SAMD8: variants seen among roughly 807,000 people sequenced by gnomAD.
SAMD8 encodes the protein sterile alpha motif domain containing 8, also known as sphingomyelin synthase-related protein 1.
A neutral mutation model predicts 42.0 loss-of-function variants in SAMD8; 20 were observed. The observed-to-expected ratio is 0.48, with a 90% CI of 0.34 to 0.69. SAMD8 has a LOEUF of 0.69. Ranked by LOEUF, SAMD8 falls within the 30% of genes least tolerant of loss-of-function variation. The probability of loss-of-function intolerance (pLI) is 0.01; values close to 1 mark genes in which losing one functional copy is unlikely to be tolerated. For missense variants in SAMD8, 328 were observed against 511.6 expected, an observed-to-expected ratio of 0.64 and a Z score of 3.46; for synonymous variants, 162 against 173.0, an observed-to-expected ratio of 0.94 and a Z score of 0.50.
chr10:75,175,232 G>A (rs982683823), intron 4 of SAMD8, among the ~76,000 whole-genome samples: 6 of 152,274 alleles, frequency 3.9e-5, no homozygotes, highest in East Asian at 1.9e-4. Flanking sequence ...ACTTAGTCAC[G>A]TGGCCACACC....
chr10:75,100,434 C>T (rs910161756), intron 1 of SAMD8, among the ~76,000 whole-genome samples: 85 of 152,258 alleles, frequency 5.6e-4, no homozygotes, highest in African/African-American at 1.7e-3. Flanking sequence ...CCCAGGGACT[C>T]GTCCTTTAAG....
At chr10:75,137,535 G>A (rs374367364) in intron 1 of SAMD8, among the ~76,000 whole-genome samples, 20 of 147,410 alleles carry the variant, frequency 1.4e-4, no homozygotes, top group Non-Finnish European at 2.1e-4. Flanking sequence ...GTGAGACTCC[G>A]TCTCAAAAAA....
intron 1 of SAMD8, among the ~76,000 whole-genome samples, chr10:75,130,616 A>G (rs1849253840): frequency 1.3e-5 from 2 of 152,184 alleles, no homozygotes; most frequent in Admixed American, 6.6e-5. Flanking sequence ...AGTGATGGAA[A>G]GAGTACTGAA....
chr10:75,099,651 T>C, exon 1 of SAMD8: 1 of 791,938 alleles, frequency 1.3e-6, no homozygotes. Context: ...CCAGGCCTCC[T>C]CTCTGCTTGG....
chr10:75,122,428 A>G (rs1201273220), intron 1 of SAMD8, among the ~76,000 whole-genome samples: 3 of 151,982 alleles, frequency 2.0e-5, no homozygotes, highest in African/African-American at 4.8e-5. Flanking sequence ...CTTGGCCAAC[A>G]TGGCAAAACC....
At chr10:75,139,405 G>A (rs1286343029) in intron 1 of SAMD8, among the ~76,000 whole-genome samples, 1 of 152,142 alleles carries the variant, frequency 6.6e-6, no homozygotes, top group East Asian at 1.9e-4. Context: ...CTAAAGCAAT[G>A]CAATGCCATT....
At chr10:75,121,286 G>T (rs1288755370) in intron 1 of SAMD8, among the ~76,000 whole-genome samples, 1 of 152,156 alleles carries the variant, frequency 6.6e-6, no homozygotes, top group Admixed American at 6.6e-5. Context: ...AACCTAGGCA[G>T]TTTAATTCTA....
intron 1 of SAMD8, among the ~76,000 whole-genome samples, chr10:75,118,024 T>A (rs1230692253): frequency 6.6e-6 from 1 of 152,336 alleles, no homozygotes. Context: ...GTTTAAAGGC[T>A]ATTTGGAACC....
intron 1 of SAMD8, among the ~76,000 whole-genome samples, chr10:75,138,655 G>A (rs936046603): frequency 6.6e-5 from 10 of 152,026 alleles, no homozygotes; most frequent in Non-Finnish European, 1.3e-4. Context: ...TTTGCTCTTA[G>A]GCTGCTGAAA....
intron 1 of SAMD8, among the ~76,000 whole-genome samples, chr10:75,129,671 A>G (rs775046672): frequency 2.6e-5 from 4 of 152,230 alleles, no homozygotes; most frequent in Non-Finnish European, 4.4e-5. Flanking sequence ...ATAGCCTTAG[A>G]TACATAACAA....
At chr10:75,114,746 C>T (rs1039827061) in intron 1 of SAMD8, among the ~76,000 whole-genome samples, 1 of 152,068 alleles carries the variant, frequency 6.6e-6, no homozygotes, top group Non-Finnish European at 1.5e-5. Context: ...CTAGCATGCC[C>T]GTTAATTTAT....
chr10:75,164,633 T>C lies in SAMD8; in HGVS notation c.579-12T>C, dbSNP rs1394588144. On this transcript the variant is annotated splice_polypyrimidine_tract_variant and intron_variant, in intron 2 of 5. Transcript: ENST00000542569. The stretch of plus-strand genomic sequence containing the variant: ...TACTTCTTCAATTCAAAATCATTTT[T>C]TTCTGTTCCAGCGTTCCTAGAATCC... 6.2e-7 allele frequency: 1 copy of C among 1,612,700 alleles called. No homozygotes were observed. Among genetic ancestry groups the C allele is most frequent in the Non-Finnish European group, 8.5e-7 (1 of 1,179,034 alleles).
At chr10:75,109,146 G>A (rs1848700999), upstream of SAMD8, 1 of 1,595,560 alleles carries the variant, frequency 6.3e-7, no homozygotes, top group Non-Finnish European at 8.5e-7. Context: ...CTGGGAGAGA[G>A]GTCTCAGCCA....
chr10:75,166,430 A>G (rs1219719036), intron 3 of SAMD8, among the ~76,000 whole-genome samples: 2 of 151,678 alleles, frequency 1.3e-5, no homozygotes, highest in South Asian at 2.1e-4. Flanking sequence ...TCTGCTCTCC[A>G]TTGTCTTTGG....
intron 1 of SAMD8, among the ~76,000 whole-genome samples, chr10:75,128,133 C>T (rs559629907): frequency 1.5e-4 from 21 of 141,342 alleles, no homozygotes; most frequent in Non-Finnish European, 3.1e-4. Flanking sequence ...AGTGCAATGG[C>T]GCGATCTTGG....
chr10:75,105,440 T>C (rs1848433909), intron 1 of SAMD8, among the ~76,000 whole-genome samples: 1 of 152,180 alleles, frequency 6.6e-6, no homozygotes, highest in Non-Finnish European at 1.5e-5. Flanking sequence ...TTGGGGGTCC[T>C]ACAGGAGAAT....
At chr10:75,164,582 GA>G (rs761727365) in intron 2 of SAMD8, 62 bp from the exon 3 acceptor site, 6 of 1,565,496 alleles carry the variant, frequency 3.8e-6, no homozygotes, top group Admixed American at 1.8e-5. Context: ...GCACCTTACT[GA>G]AAAGGGTGGC....
chr10:75,105,894 C>A, intron 1 of SAMD8: 1 of 1,540,842 alleles, frequency 6.5e-7, no homozygotes, highest in South Asian at 1.2e-5. Flanking sequence ...TGGTGAAAAA[C>A]CCTGTCCCAC....
intron 3 of SAMD8, 147 bp downstream of exon 3, chr10:75,164,887 A>G: frequency 1.5e-6 from 1 of 650,860 alleles, no homozygotes; most frequent in South Asian, 1.9e-5. Flanking sequence ...TTTGAGTTTG[A>G]TCAGTAAGAG....
Sources: gnomAD v4.1 joint callset for allele counts (sites outside exome capture counted in the v4.1 genomes callset) on GRCh38, gnomAD v4.1.1 for gene constraint, MANE v1.5 for transcripts, NCBI Gene and HGNC (gene_info 2026-07-23, HGNC 2026-07-21) for gene names.